PCDHGB4: variants seen among roughly 807,000 people sequenced by gnomAD.
The protein encoded by PCDHGB4 is protocadherin gamma subfamily B, 4.
In PCDHGB4, 38 loss-of-function variants were observed where a neutral mutation model predicts 60.5. That is an observed-to-expected ratio of 0.63 (90% confidence interval 0.48 to 0.82). PCDHGB4 has a LOEUF of 0.82. Ranked by LOEUF, PCDHGB4 falls within the 40% of genes least tolerant of loss-of-function variation. The probability of loss-of-function intolerance (pLI) is 0.00; values close to 1 mark genes in which losing one functional copy is unlikely to be tolerated. For missense variants in PCDHGB4, 1,109 were observed against 1,209.6 expected (o/e 0.92, Z 1.23); for synonymous variants, 456 against 509.7 (o/e 0.89, Z 1.42).
chr5:141,498,971 G>GGGAA (rs201769957), intron 2 of PCDHGB4, among the ~76,000 whole-genome samples: 8,226 of 110,874 alleles, frequency 0.074, 335 homozygotes, highest in Middle Eastern at 0.11. Flanking sequence ...GAGGGAGGGA[G>GGGAA]GGAAGGAAGG....
At chr5:141,450,869 G>A (rs1435272731) in intron 1 of PCDHGB4, among the ~76,000 whole-genome samples, 1 of 147,142 alleles carries the variant, frequency 6.8e-6, no homozygotes, top group Admixed American at 6.9e-5. Context: ...CTGTCACCCA[G>A]GCTGGTGTGC....
chr5:141,444,472 C>A (rs559334960), intron 1 of PCDHGB4, among the ~76,000 whole-genome samples: 2 of 151,850 alleles, frequency 1.3e-5, no homozygotes, highest in Non-Finnish European at 2.9e-5. Context: ...CGCCCGGTCG[C>A]GTACTGGATT....
intron 1 of PCDHGB4, chr5:141,420,239 C>G (rs984335177): frequency 1.3e-6 from 2 of 1,593,300 alleles, no homozygotes; most frequent in African/African-American, 2.7e-5. Flanking sequence ...CATTTTAACT[C>G]CCAGCGTTGA....
chr5:141,461,506 AT>A (rs1406680307), intron 1 of PCDHGB4, among the ~76,000 whole-genome samples: 2 of 151,524 alleles, frequency 1.3e-5, no homozygotes, highest in Non-Finnish European at 1.5e-5. Context: ...TTTCTTGGTG[AT>A]TTGTTAGTTC....
In PCDHGB4 at chr5:141,487,218, C is replaced by T; in HGVS notation, c.2398-7589C>T. The T allele has an allele frequency of 6.2e-7, 1 of 1,613,938 alleles. No individual in the cohort carries two copies. The highest frequency in any genetic ancestry group is 1.3e-5 in the African/African-American group (1 of 75,024). On this transcript the variant is annotated intron_variant, in intron 1 of 3. Coordinates refer to ENST00000519479, the MANE Select transcript of PCDHGB4 (RefSeq NM_003736.4). The surrounding 1 kb of genome is among the most constrained non-coding windows in gnomAD (Gnocchi z 5.0). ...CCAGATCTTCGAGAATCTTCAGCTCCAAGGGAAGGAGAATCTCGTCTAACC... is the reference window on the plus strand; with the variant it reads ...CCAGATCTTCGAGAATCTTCAGCTCTAAGGGAAGGAGAATCTCGTCTAACC...
intron 1 of PCDHGB4, chr5:141,433,013 AC>A: frequency 6.2e-7 from 1 of 1,614,018 alleles, no homozygotes; most frequent in Non-Finnish European, 8.5e-7. Flanking sequence ...TTTCCTGCAG[AC>A]CTATTCCCAC....
chr5:141,497,736 G>A (rs1437670417), intron 2 of PCDHGB4, among the ~76,000 whole-genome samples: 6 of 151,962 alleles, frequency 3.9e-5, no homozygotes, highest in Admixed American at 1.3e-4. Flanking sequence ...GATGGGTTTC[G>A]CCACGTTGGC....
At chr5:141,394,688 G>A (rs770742323) in intron 1 of PCDHGB4, 3 of 1,611,882 alleles carry the variant, frequency 1.9e-6, no homozygotes, top group Middle Eastern at 1.7e-4. Flanking sequence ...ACACGGGCGA[G>A]GTGCGCACGG....
intron 1 of PCDHGB4, chr5:141,414,679 G>T: frequency 6.2e-7 from 1 of 1,613,960 alleles, no homozygotes; most frequent in South Asian, 1.1e-5. Context: ...CACCATCCAG[G>T]GGGTACCTCT....
chr5:141,472,465 A>C (rs886879646), intron 1 of PCDHGB4, among the ~76,000 whole-genome samples: 4 of 152,032 alleles, frequency 2.6e-5, no homozygotes, highest in Non-Finnish European at 5.9e-5. Flanking sequence ...GCTTGAACCC[A>C]GAAGGCAGAG....
chr5:141,400,515 T>C lies in PCDHGB4; in HGVS notation c.2397+10234T>C, dbSNP rs367864769. On this transcript the variant is annotated intron_variant, in intron 1 of 3. Coordinates refer to ENST00000519479, the MANE Select transcript of PCDHGB4 (RefSeq NM_003736.4). ...GTAATTCCAGCGAGTCGACTTCCCATCCTGAGTTGGTGAGTTTCATTTATG... is the reference window on the plus strand; with the variant it reads ...GTAATTCCAGCGAGTCGACTTCCCACCCTGAGTTGGTGAGTTTCATTTATG... 2,129 of 1,613,988 alleles carry C rather than the reference T, an allele frequency of 1.3e-3. 41 individuals are homozygous for C. In the South Asian group the frequency reaches 0.02, roughly 15 times the overall value.
intron 1 of PCDHGB4, chr5:141,421,270 C>G: frequency 6.2e-7 from 1 of 1,612,094 alleles, no homozygotes; most frequent in Non-Finnish European, 8.5e-7. Context: ...TCGGCTGCTG[C>G]TGCTGCTGTG....
In PCDHGB4 at chr5:141,431,023, C is replaced by T. The variant is rs374655655; in HGVS notation, c.2397+40742C>T. 1 of 1,613,748 alleles carries T rather than the reference C, an allele frequency of 6.2e-7. No homozygotes were observed. On this transcript the variant is annotated intron_variant, in intron 1 of 3. Coordinates refer to ENST00000519479, the MANE Select transcript of PCDHGB4 (RefSeq NM_003736.4). This position sits in a 1 kb window ranked among gnomAD's most constrained non-coding sequence, Gnocchi z 4.8. Reference sequence around the variant, plus strand: ...GCAGCGGCAGCTTGGTCACGGCGGGCAGGATAGACCGGGAGGAGCTCTGTA... The same window carrying T: ...GCAGCGGCAGCTTGGTCACGGCGGGTAGGATAGACCGGGAGGAGCTCTGTA...
intron 1 of PCDHGB4, among the ~76,000 whole-genome samples, chr5:141,467,820 G>T (rs1278112158): frequency 6.6e-6 from 1 of 151,884 alleles, no homozygotes; most frequent in African/African-American, 2.4e-5. Flanking sequence ...CACCACACCA[G>T]GCTGATTTTT....
At chr5:141,403,211 G>A (rs1253134514) in intron 1 of PCDHGB4, 2 of 1,613,856 alleles carry the variant, frequency 1.2e-6, no homozygotes, top group Non-Finnish European at 1.7e-6. Flanking sequence ...CTTGGTCACC[G>A]CGGGTAGGAT....
At chr5:141,434,338 G>A (rs1037038534) in intron 1 of PCDHGB4, among the ~76,000 whole-genome samples, 5 of 152,086 alleles carry the variant, frequency 3.3e-5, no homozygotes, top group East Asian at 1.9e-4. Context: ...TCTTTGTGTC[G>A]GGAACAGGCC....
chr5:141,445,075 A>G (rs1251499929), intron 1 of PCDHGB4, among the ~76,000 whole-genome samples: 1 of 152,170 alleles, frequency 6.6e-6, no homozygotes, highest in East Asian at 1.9e-4. Context: ...TTCTCATTAA[A>G]TTGTCCCTAC....
intron 1 of PCDHGB4, chr5:141,394,972 A>T (rs766374618): frequency 1.7e-5 from 28 of 1,613,900 alleles, no homozygotes; most frequent in Non-Finnish European, 2.3e-5. Flanking sequence ...AGGCGCTGGC[A>T]CAAGTCACGC....
chr5:141,488,450 C>T (rs2154581002), intron 1 of PCDHGB4, among the ~76,000 whole-genome samples: 1 of 152,314 alleles, frequency 6.6e-6, no homozygotes, highest in East Asian at 1.9e-4. Context: ...TCCTGGGTGA[C>T]CTGATTCAGC....
Sources: gnomAD v4.1 joint callset for allele counts (sites outside exome capture counted in the v4.1 genomes callset) on GRCh38, gnomAD v4.1.1 for gene constraint, Gnocchi (gnomAD v3.1) non-coding constraint, MANE v1.5 for transcripts, NCBI Gene and HGNC (gene_info 2026-07-23, HGNC 2026-07-21) for gene names.